CDO1: variants seen among roughly 807,000 people sequenced by gnomAD.
CDO1 encodes the protein cysteine dioxygenase type 1, also known as cysteine dioxygenase, type I.
A neutral mutation model predicts 24.5 loss-of-function variants in CDO1; 19 were observed. The observed-to-expected ratio is 0.77, with a 90% CI of 0.54 to 1.14. The LOEUF (loss-of-function observed/expected upper bound fraction) is 1.14. Ranked by LOEUF, CDO1 falls within the 50% of genes most tolerant of loss-of-function variation. The probability of loss-of-function intolerance (pLI) is 0.00; values close to 1 mark genes in which losing one functional copy is unlikely to be tolerated. For missense variants in CDO1, 244 were observed against 244.8 expected, an observed-to-expected ratio of 1.00 and a Z score of 0.02; for synonymous variants, 91 against 87.0, an observed-to-expected ratio of 1.05 and a Z score of -0.26.
chr5:115,816,086 C>G, intron 1 of CDO1, 142 bp downstream of exon 1: 7 of 672,518 alleles, frequency 1.0e-5, no homozygotes, highest in East Asian at 3.3e-5. Context: ...AGCCCCGCGG[C>G]TGGCCAGCGA....
chr5:115,813,627 T>C (rs1760296851), intron 1 of CDO1, among the ~76,000 whole-genome samples: 1 of 152,064 alleles, frequency 6.6e-6, no homozygotes, highest in African/African-American at 2.4e-5. Context: ...CTATTGTTTT[T>C]TTTTTTTTCT....
chr5:115,808,521 G>A (rs1035407474), intron 3 of CDO1, among the ~76,000 whole-genome samples: 2 of 151,582 alleles, frequency 1.3e-5, no homozygotes, highest in African/African-American at 2.4e-5. Context: ...AACCAAGAAT[G>A]AAAAAAAATC....
intron 3 of CDO1, among the ~76,000 whole-genome samples, chr5:115,808,165 G>T (rs1760032502): frequency 6.6e-6 from 1 of 152,092 alleles, no homozygotes; most frequent in Non-Finnish European, 1.5e-5. Flanking sequence ...TTTTGGTAGA[G>T]ATGGGGTTTC....
Position 115,816,274 on chromosome 5 carries a change from T to C in CDO1, c.124A>G (p.Ser42Gly). ...EVQAIMEAYESDPTEWAMYAK... is the reference protein window; with the variant it reads ...EVQAIMEAYEGDPTEWAMYAK... ...TACATTGCCCACTCGGTGGGGTCGC[T>C]CTCGTAGGCTTCCATGATGGCCTGC... Residue 42 changes from serine (S) to glycine (G), a missense_variant, in exon 1 of 5, where the codon AGC (serine) becomes GGC (glycine). Transcript: ENST00000250535. The C allele has an allele frequency of 1.2e-6, 2 of 1,614,132 alleles. No homozygotes were observed. The highest frequency in any genetic ancestry group is 1.7e-6 in the Non-Finnish European group (2 of 1,180,020).
Position 115,816,508 on chromosome 5 carries a change from C to T in CDO1, c.-111G>A. 1 of 1,159,234 alleles carries T rather than the reference C, an allele frequency of 8.6e-7. No homozygotes were observed. The allele number at this position is 1,159,234 out of a possible 1,614,324, so 71.8% of individuals were successfully genotyped here. Reference sequence around the variant, plus strand: ...CCTAACAGCCCGCTAGACCGCTAAGCAGACACACACGCACAAACCCAGCAT... The same window carrying T: ...CCTAACAGCCCGCTAGACCGCTAAGTAGACACACACGCACAAACCCAGCAT... On this transcript the variant is annotated 5_prime_UTR_variant, in exon 1 of 5. Transcript: ENST00000250535.
In CDO1 at chr5:115,808,937, G is replaced by A. The variant is rs562333670; in HGVS notation, c.403+2224C>T. Among the ~76,000 whole-genome samples the A allele has an allele frequency of 4.1e-4, 62 of 152,288 alleles. 2 individuals are homozygous for A. The East Asian group carries it at 5.6e-3, about 14-fold the overall frequency. ...TAAAGAAGAATGAAGCATAGAACCA[G>A]AAGACTTAAGTTCTACTTCTAGGTA... On this transcript the variant is annotated intron_variant, in intron 3 of 4. Coordinates refer to ENST00000250535, the MANE Select transcript of CDO1 (RefSeq NM_001801.3).
chr5:115,808,169 G>C (rs1330646323), intron 3 of CDO1, among the ~76,000 whole-genome samples: 1 of 151,970 alleles, frequency 6.6e-6, no homozygotes, highest in Non-Finnish European at 1.5e-5. Context: ...GGTAGAGATG[G>C]GGTTTCAACA....
rs1759894196 is a variant in CDO1, at chr5:115,805,339, G to C, written c.*94C>G. On this transcript the variant is annotated 3_prime_UTR_variant, in exon 5 of 5. Coordinates refer to ENST00000250535, the MANE Select transcript of CDO1 (RefSeq NM_001801.3). ...TAGATCTAAGTATTGGCTTATTTAA[G>C]TATATTACTGGATAGCACGTGGTAG... The C allele has an allele frequency of 9.6e-7, 1 of 1,044,746 alleles. No homozygotes were observed. The highest frequency in any genetic ancestry group is 1.5e-6 in the Non-Finnish European group (1 of 686,208). 64.7% of individuals were successfully genotyped at this position (1,044,746 alleles called of 1,614,324 possible). A position where few individuals can be genotyped will look rare whatever the true frequency, so the allele number is the denominator to read the frequency against.
intron 3 of CDO1, among the ~76,000 whole-genome samples, chr5:115,810,284 T>A (rs1235676541): frequency 2.0e-5 from 3 of 152,184 alleles, no homozygotes; most frequent in Non-Finnish European, 4.4e-5. Flanking sequence ...TACAATTTGA[T>A]CTTTGCAAGT....
chr5:115,806,368 A>C lies in CDO1; in HGVS notation c.554T>G (p.Phe185Cys). ...ACTCACATTTGGAGTTCTGATTCCA[A>C]ATTTACTATGGAATGTCATTGTGAC... is the stretch of plus-strand genomic sequence containing the variant. ...NKVTMTFHSK[F>C]GIRTPNATSG... is the part of the protein sequence containing the mutation. The change falls in exon 4 of 5, where the codon TTT (phenylalanine) becomes TGT (cysteine). Residue 185 changes from phenylalanine (F) to cysteine (C), a missense_variant. Transcript: ENST00000250535. The C allele has an allele frequency of 6.2e-7, 1 of 1,605,778 alleles. No individual in the cohort carries two copies. The highest frequency in any genetic ancestry group is 8.5e-7 in the Non-Finnish European group (1 of 1,177,672).
At chr5:115,807,672 A>C (rs1343828120) in intron 3 of CDO1, among the ~76,000 whole-genome samples, 2 of 151,712 alleles carry the variant, frequency 1.3e-5, no homozygotes, top group Non-Finnish European at 2.9e-5. Flanking sequence ...AATAGAAAAG[A>C]AAGAGAAAAA....
intron 4 of CDO1, among the ~76,000 whole-genome samples, chr5:115,806,115 T>A (rs1759934649): frequency 6.6e-6 from 1 of 152,212 alleles, no homozygotes; most frequent in South Asian, 2.1e-4. Context: ...CCCAAGTAAA[T>A]GAAAACATTT....
At chr5:115,814,828 T>G (rs26531) in intron 1 of CDO1, among the ~76,000 whole-genome samples, 74,052 of 152,048 alleles carry the variant, frequency 0.49, 19,123 homozygotes, top group African/African-American at 0.66. Context: ...GTCATTCAAC[T>G]TCTTCATTGC....
At position 115,805,442 on chromosome 5, in the gene CDO1, C is replaced by A; in HGVS notation, c.594G>T (p.Glu198Asp). The change falls in exon 5 of 5, where the codon GAG becomes GAT. Residue 198 changes from glutamate to aspartate, a missense_variant. Glu to Asp is a conservative substitution (Grantham distance 45, BLOSUM62 2). Coordinates refer to ENST00000250535, the MANE Select transcript of CDO1 (RefSeq NM_001801.3). ...RTPNATSGSL[E>D]NN ...GAGGGTTTGGTGCCCCTTAGTTGTT[C>A]TCCAGCGAGCCCGAAGTTGCCTGTA... 1 of 1,613,854 alleles carries A rather than the reference C, an allele frequency of 6.2e-7. No individual in the cohort carries two copies. The highest frequency in any genetic ancestry group is 8.5e-7 in the Non-Finnish European group (1 of 1,179,886).
chr5:115,811,328 A>G lies in CDO1; in HGVS notation c.249-13T>C. On this transcript the variant is annotated splice_polypyrimidine_tract_variant and intron_variant, in intron 2 of 4. Coordinates refer to ENST00000250535, the MANE Select transcript of CDO1 (RefSeq NM_001801.3). The stretch of plus-strand genomic sequence containing the variant: ...ATCATGAATACTGCTATATGTACAC[A>G]AAATGACAACTGAACTCAGTAGATG... The G allele has an allele frequency of 6.2e-7, 1 of 1,606,514 alleles. No individual in the cohort carries two copies. Among genetic ancestry groups the G allele is most frequent in the Non-Finnish European group, 8.5e-7 (1 of 1,175,054 alleles).
intron 4 of CDO1, among the ~76,000 whole-genome samples, chr5:115,805,839 T>C (rs1183859462): frequency 6.6e-6 from 1 of 152,208 alleles, no homozygotes; most frequent in African/African-American, 2.4e-5. Flanking sequence ...GTTGGTTGCC[T>C]TTTTATTTTT....
At chr5:115,812,881 C>G (rs536697555) in intron 2 of CDO1, among the ~76,000 whole-genome samples, 1 of 151,816 alleles carries the variant, frequency 6.6e-6, no homozygotes, top group Non-Finnish European at 1.5e-5. Context: ...AACCCCATCT[C>G]TACTAAAAAT....
intron 4 of CDO1, among the ~76,000 whole-genome samples, chr5:115,805,930 T>C (rs1759927015): frequency 6.6e-6 from 1 of 152,188 alleles, no homozygotes; most frequent in South Asian, 2.1e-4. Flanking sequence ...ATAACAACTC[T>C]AAGAATAAGC....
chr5:115,815,175 C>T (rs1303612037), intron 1 of CDO1, among the ~76,000 whole-genome samples: 1 of 152,188 alleles, frequency 6.6e-6, no homozygotes, highest in Non-Finnish European at 1.5e-5. Flanking sequence ...AAACTTACTT[C>T]TTTCCTTATT....
Sources: gnomAD v4.1 joint callset for allele counts (sites outside exome capture counted in the v4.1 genomes callset) on GRCh38, gnomAD v4.1.1 for gene constraint, MANE v1.5 for transcripts, NCBI Gene and HGNC (gene_info 2026-07-23, HGNC 2026-07-21) for gene names.